NCKAP5: variants seen among roughly 807,000 people sequenced by gnomAD.
The protein encoded by NCKAP5 is nck-associated protein 5.
NCKAP5 carries 92 observed loss-of-function variants against 167.0 expected under a neutral mutation model. That is an observed-to-expected ratio of 0.55 (90% CI 0.47 to 0.66). The LOEUF is 0.66. Ranked by LOEUF, NCKAP5 falls within the 30% of genes least tolerant of loss-of-function variation. NCKAP5 has a pLI of 0.00. For synonymous variants in NCKAP5, 891 were observed against 877.4 expected (o/e 1.02, Z -0.27); for missense variants, 2,378 against 2,315.0 (o/e 1.03, Z -0.56).
the NCKAP5 span, among the ~76,000 whole-genome samples, chr2:133,598,516 C>G: frequency 6.6e-6 from 1 of 152,176 alleles, no homozygotes; most frequent in African/African-American, 2.4e-5. Flanking sequence ...AGCCCTGTGG[C>G]TTTTATAACT....
chr2:132,714,157 A>T (rs945927648), intron 19 of NCKAP5, among the ~76,000 whole-genome samples: 9 of 152,190 alleles, frequency 5.9e-5, no homozygotes, highest in African/African-American at 2.2e-4. Flanking sequence ...TCTCCCTTAG[A>T]CTGAATTTTA....
At chr2:133,195,100 A>C (rs1040117400) in intron 5 of NCKAP5, among the ~76,000 whole-genome samples, 1 of 152,028 alleles carries the variant, frequency 6.6e-6, no homozygotes, top group African/African-American at 2.4e-5. Flanking sequence ...TTCATCTCAG[A>C]AGCAGTAACC....
upstream of NCKAP5, among the ~76,000 whole-genome samples, chr2:133,571,379 A>C (rs1482188435): frequency 6.6e-6 from 1 of 152,024 alleles, no homozygotes; most frequent in Non-Finnish European, 1.5e-5. Flanking sequence ...AGGGGAGGGA[A>C]AGGCCATCCT....
chr2:133,047,635 T>C (rs564115530), intron 6 of NCKAP5, among the ~76,000 whole-genome samples: 13 of 152,322 alleles, frequency 8.5e-5, no homozygotes, highest in African/African-American at 2.6e-4. Context: ...GTAAATGCAG[T>C]TATAATTACA....
intron 3 of NCKAP5, among the ~76,000 whole-genome samples, chr2:133,373,061 C>CT (rs1172272611): frequency 6.6e-6 from 1 of 152,034 alleles, no homozygotes; most frequent in Admixed American, 6.6e-5. Context: ...ATATATGTAT[C>CT]TTTTTTTGGA....
chr2:133,019,001 T>C (rs576488638), intron 6 of NCKAP5, among the ~76,000 whole-genome samples: 1 of 152,206 alleles, frequency 6.6e-6, no homozygotes, highest in Non-Finnish European at 1.5e-5. Flanking sequence ...CAATGACTCT[T>C]GGATGGAAAC....
At chr2:133,514,713 T>C (rs1030585242) in intron 3 of NCKAP5, among the ~76,000 whole-genome samples, 1 of 152,174 alleles carries the variant, frequency 6.6e-6, no homozygotes, top group South Asian at 2.1e-4. Context: ...GAACGTAATA[T>C]GTTTCTCTTT....
intron 6 of NCKAP5, among the ~76,000 whole-genome samples, chr2:133,042,494 T>C (rs1573843485): frequency 6.6e-6 from 1 of 152,180 alleles, no homozygotes; most frequent in African/African-American, 2.4e-5. Context: ...AAGAATTTGT[T>C]TGTGAAAAAT....
intron 5 of NCKAP5, among the ~76,000 whole-genome samples, chr2:133,176,520 T>C (rs1253926638): frequency 1.3e-5 from 2 of 152,192 alleles, no homozygotes; most frequent in East Asian, 3.9e-4. Context: ...GTTCTTTGGA[T>C]AGAATGTTAC....
rs1432450908 is a variant in NCKAP5 at position 132,823,644 on chromosome 2, G to GA, written c.808-26916dup. The stretch of plus-strand genomic sequence containing the variant: ...GGGCCTATAAAACAATAACACAATG[G>GA]AAAAAAAACCCAAGGTATTAAGGCG... On this transcript the variant is annotated intron_variant, in intron 11 of 19. Coordinates refer to ENST00000409261, the MANE Select transcript of NCKAP5 (RefSeq NM_207363.3). 3.3e-5 allele frequency among the ~76,000 whole-genome samples: 5 copies of GA among 150,744 alleles called. No homozygotes were observed. The East Asian group carries it at 5.8e-4, about 18-fold the overall frequency.
chr2:133,030,269 C>A (rs995770317), intron 6 of NCKAP5, among the ~76,000 whole-genome samples: 8 of 152,232 alleles, frequency 5.3e-5, no homozygotes, highest in African/African-American at 1.9e-4. Context: ...TGGGGAGGCA[C>A]CTGTTCTTAG....
chr2:132,731,663 T>A, intron 17 of NCKAP5, 74 bp downstream of exon 17: 1 of 1,462,686 alleles, frequency 6.8e-7, no homozygotes, highest in Non-Finnish European at 9.2e-7. Flanking sequence ...ACTGACTTAC[T>A]CATCTCCTGG....
chr2:133,187,893 G>A (rs2150063837), intron 5 of NCKAP5, among the ~76,000 whole-genome samples: 1 of 152,100 alleles, frequency 6.6e-6, no homozygotes, highest in South Asian at 2.1e-4. Context: ...TGGGTCTCCT[G>A]AATACAGCAC....
the NCKAP5 span, among the ~76,000 whole-genome samples, chr2:133,670,310 C>T: frequency 6.6e-6 from 1 of 152,200 alleles, no homozygotes; most frequent in Non-Finnish European, 1.5e-5. Context: ...AACCTGAATA[C>T]TCCCATCCCT....
chr2:133,142,098 A>G (rs2083021034), intron 5 of NCKAP5, among the ~76,000 whole-genome samples: 2 of 152,182 alleles, frequency 1.3e-5, no homozygotes, highest in African/African-American at 4.8e-5. Context: ...TTATGAGGAA[A>G]TCATTAAAGA....
chr2:133,097,057 TG>T (rs527927637), intron 6 of NCKAP5, among the ~76,000 whole-genome samples: 18 of 152,308 alleles, frequency 1.2e-4, no homozygotes, highest in African/African-American at 4.3e-4. Flanking sequence ...CCACGACATT[TG>T]GAGCGAGGCA....
At chr2:133,505,910 A>G (rs1284398708) in intron 3 of NCKAP5, among the ~76,000 whole-genome samples, 2 of 152,234 alleles carry the variant, frequency 1.3e-5, no homozygotes, top group Non-Finnish European at 2.9e-5. Context: ...TCCTTTGCAT[A>G]GGGTGCCACA....
At chr2:133,414,313 C>T (rs1053337215) in intron 3 of NCKAP5, among the ~76,000 whole-genome samples, 1 of 152,188 alleles carries the variant, frequency 6.6e-6, no homozygotes. Flanking sequence ...AGGTGCCATT[C>T]CAAATGGAGT....
chr2:132,947,122 G>C (rs1697812206), intron 8 of NCKAP5, among the ~76,000 whole-genome samples: 1 of 152,132 alleles, frequency 6.6e-6, no homozygotes, highest in South Asian at 2.1e-4. Flanking sequence ...TTCAAATACA[G>C]GTGGCAATCC....
Sources: gnomAD v4.1 joint callset for allele counts (sites outside exome capture counted in the v4.1 genomes callset) on GRCh38, gnomAD v4.1.1 for gene constraint, MANE v1.5 for transcripts, NCBI Gene and HGNC (gene_info 2026-07-23, HGNC 2026-07-21) for gene names.